Variants in RAB3GAP1 observed in about 807,000 individuals in gnomAD.
RAB3GAP1 encodes rab3 GTPase-activating protein catalytic subunit.
A neutral mutation model predicts 130.7 loss-of-function variants in RAB3GAP1; 86 were observed. The ratio of observed to expected loss-of-function variants is 0.66; its 90% CI spans 0.55 to 0.79. The LOEUF (loss-of-function observed/expected upper bound fraction) is 0.79, where lower values mean the gene tolerates loss of function less well. RAB3GAP1 is among the 30% of genes least tolerant of loss of function. The pLI is 0.00. For synonymous variants in RAB3GAP1, 367 were observed against 401.7 expected (o/e 0.91, Z 1.03); for missense variants, 1,029 against 1,169.4 (o/e 0.88, Z 1.75).
intron 7 of RAB3GAP1, among the ~76,000 whole-genome samples, chr2:135,117,729 T>C (rs899313014): frequency 7.4e-5 from 11 of 148,594 alleles, no homozygotes; most frequent in African/African-American, 2.5e-4. Flanking sequence ...TTCTGCTTCT[T>C]CTTCTTCTGC....
chr2:135,107,334 G>A (rs1033213273), intron 5 of RAB3GAP1, among the ~76,000 whole-genome samples: 12 of 151,920 alleles, frequency 7.9e-5, no homozygotes, highest in South Asian at 2.1e-4. Flanking sequence ...TAAAAAAAGC[G>A]TAAGATTGCT....
At chr2:135,137,827 TTTG>T (rs1691716634) in intron 17 of RAB3GAP1, among the ~76,000 whole-genome samples, 1 of 151,896 alleles carries the variant, frequency 6.6e-6, no homozygotes, top group Admixed American at 6.6e-5. Context: ...TTGTTTTTTT[TTTG>T]TTGTTTTTTT....
rs1691669139 is a variant in RAB3GAP1, at chr2:135,135,944, T to G, written c.1923+12T>G. Reference sequence around the variant, plus strand: ...TTCCAGTAACCCAGGTAGGATGCACTAGTTCTTTCCATTTTAATTTATTTT... The same window carrying G: ...TTCCAGTAACCCAGGTAGGATGCACGAGTTCTTTCCATTTTAATTTATTTT... On this transcript the variant is annotated intron_variant, in intron 17 of 23. Coordinates refer to ENST00000264158, the MANE Select transcript of RAB3GAP1 (RefSeq NM_012233.3). The G allele has an allele frequency of 6.2e-7, 1 of 1,612,376 alleles. No individual in the cohort carries two copies.
At chr2:135,132,733 A>T (rs1354346650) in intron 13 of RAB3GAP1, among the ~76,000 whole-genome samples, 162 bp from the exon 14 acceptor site, 1 of 152,186 alleles carries the variant, frequency 6.6e-6, no homozygotes, top group Non-Finnish European at 1.5e-5. Flanking sequence ...AAAATAGAAA[A>T]AATTTGAGAG....
chr2:135,054,103 A>G (rs1688948740), intron 2 of RAB3GAP1, among the ~76,000 whole-genome samples: 2 of 152,244 alleles, frequency 1.3e-5, no homozygotes, highest in Admixed American at 1.3e-4. Context: ...TCCCAAACTA[A>G]ATACAGGAAT....
At chr2:135,107,342 G>A (rs542411844) in intron 5 of RAB3GAP1, among the ~76,000 whole-genome samples, 2 of 152,062 alleles carry the variant, frequency 1.3e-5, no homozygotes, top group East Asian at 3.9e-4. Flanking sequence ...GCGTAAGATT[G>A]CTTAAGCAAT....
In RAB3GAP1 at chr2:135,115,210, T is replaced by C. The variant is rs1055940740; in HGVS notation, c.483-6T>C. The C allele has an allele frequency of 6.2e-7, 1 of 1,604,382 alleles. No individual in the cohort carries two copies. The highest frequency in any genetic ancestry group is 1.1e-5 in the South Asian group (1 of 90,888). The stretch of plus-strand genomic sequence containing the variant: ...TATTCCATTCCTATTTAATCATGTC[T>C]TGCAGTCAGGTGCCACTCTTTGTGC... On this transcript the variant is annotated splice_region_variant and splice_polypyrimidine_tract_variant and intron_variant, in intron 6 of 23. Transcript: ENST00000264158.
At chr2:135,124,115 AC>A in intron 8 of RAB3GAP1, 49 bp from the exon 9 acceptor site, 2 of 1,521,786 alleles carry the variant, frequency 1.3e-6, no homozygotes, top group Non-Finnish European at 1.8e-6. Context: ...ACTAGATTAG[AC>A]TCTTCTTTAT....
intron 5 of RAB3GAP1, among the ~76,000 whole-genome samples, chr2:135,093,940 C>T (rs1434325878): frequency 2.0e-5 from 3 of 152,112 alleles, no homozygotes; most frequent in East Asian, 1.9e-4. Context: ...TACTCAGTTC[C>T]CTCAGCAACA....
intron 3 of RAB3GAP1, among the ~76,000 whole-genome samples, chr2:135,073,700 C>T (rs1412227188): frequency 3.3e-5 from 5 of 152,194 alleles, no homozygotes; most frequent in Non-Finnish European, 7.3e-5. Context: ...CCTCCTCATT[C>T]TACTCTCAGT....
chr2:135,145,868 C>T (rs935531668), intron 17 of RAB3GAP1, among the ~76,000 whole-genome samples: 2 of 152,100 alleles, frequency 1.3e-5, no homozygotes, highest in African/African-American at 2.4e-5. Context: ...GAGTTGTGTG[C>T]TTTCTGTTCT....
chr2:135,140,680 G>C (rs1212982688), intron 17 of RAB3GAP1, among the ~76,000 whole-genome samples: 1 of 152,212 alleles, frequency 6.6e-6, no homozygotes, highest in Non-Finnish European at 1.5e-5. Flanking sequence ...ACAGCAGTGG[G>C]AGTTATCAGT....
intron 7 of RAB3GAP1, 55 bp from the exon 8 acceptor site, chr2:135,120,764 A>T: frequency 1.6e-6 from 2 of 1,261,120 alleles, no homozygotes; most frequent in Non-Finnish European, 2.3e-6. Flanking sequence ...ATGTTGAATT[A>T]ATATGAAAAG....
chr2:135,137,313 A>AG (rs1691704542), intron 17 of RAB3GAP1: 2 of 234,740 alleles, frequency 8.5e-6, no homozygotes. Flanking sequence ...ATGATCGCTT[A>AG]GGGTGTCAAA....
chr2:135,065,670 A>AG (rs1383012690), intron 3 of RAB3GAP1, among the ~76,000 whole-genome samples: 1 of 151,954 alleles, frequency 6.6e-6, no homozygotes, highest in African/African-American at 2.4e-5. Flanking sequence ...ACAATGTTTG[A>AG]GGGAGGCATA....
intron 3 of RAB3GAP1, among the ~76,000 whole-genome samples, chr2:135,061,352 C>T (rs1309314058): frequency 2.6e-5 from 4 of 152,178 alleles, no homozygotes; most frequent in Non-Finnish European, 5.9e-5. Context: ...TTATAAGAAA[C>T]AGCTAGAGCT....
intron 2 of RAB3GAP1, among the ~76,000 whole-genome samples, chr2:135,053,673 C>T (rs1688938763): frequency 6.6e-6 from 1 of 152,140 alleles, no homozygotes; most frequent in Non-Finnish European, 1.5e-5. Flanking sequence ...TAAGACATAA[C>T]CACACTGGCA....
intron 13 of RAB3GAP1, among the ~76,000 whole-genome samples, chr2:135,131,475 C>T (rs1691540224): frequency 6.6e-6 from 1 of 152,156 alleles, no homozygotes; most frequent in Non-Finnish European, 1.5e-5. Flanking sequence ...CGTAATCCGC[C>T]CGCCTCGGCC....
At chr2:135,111,084 T>C (rs553859424) in intron 5 of RAB3GAP1, among the ~76,000 whole-genome samples, 3 of 152,162 alleles carry the variant, frequency 2.0e-5, no homozygotes, top group Admixed American at 6.6e-5. Flanking sequence ...ATTTCAGGGC[T>C]AGGAGGGTGG....
Sources: gnomAD v4.1 joint callset for allele counts (sites outside exome capture counted in the v4.1 genomes callset) on GRCh38, gnomAD v4.1.1 for gene constraint, MANE v1.5 for transcripts, NCBI Gene and HGNC (gene_info 2026-07-23, HGNC 2026-07-21) for gene names.